The following RPL26L1 variants were observed in gnomAD, a reference collection of about 807,000 sequenced individuals.
RPL26L1 encodes ribosomal protein uL24-like.
Under a neutral mutation model 15.2 loss-of-function variants are expected in RPL26L1, and 8 were observed. The ratio of observed to expected loss-of-function variants is 0.53; its 90% CI spans 0.31 to 0.95. RPL26L1 has a LOEUF of 0.95. RPL26L1 is among the 40% of genes least tolerant of loss of function. RPL26L1 has a pLI of 0.05. For synonymous variants in RPL26L1, 51 were observed against 65.9 expected (o/e 0.77, Z 1.09); for missense variants, 146 against 190.9 (o/e 0.76, Z 1.39).
intron 2 of RPL26L1, among the ~76,000 whole-genome samples, chr5:172,960,861 G>A (rs571590440): frequency 7.1e-6 from 1 of 140,270 alleles, no homozygotes; most frequent in African/African-American, 2.7e-5. Flanking sequence ...TTAGAGCAGG[G>A]TTTCCTAGCC....
At chr5:172,967,967 T>C (rs1755532976) in intron 2 of RPL26L1, among the ~76,000 whole-genome samples, 1 of 151,846 alleles carries the variant, frequency 6.6e-6, no homozygotes, top group African/African-American at 2.4e-5. Flanking sequence ...ACTCATATAG[T>C]TTGAGTATCT....
At chr5:172,957,512 A>G (rs566160118), upstream of RPL26L1, 33 of 282,464 alleles carry the variant, frequency 1.2e-4, no homozygotes, top group Admixed American at 9.5e-5. Flanking sequence ...GTAGGTACCA[A>G]ATAAATTGAT....
upstream of RPL26L1, chr5:172,955,628 A>T (rs1276593173): frequency 6.6e-6 from 1 of 152,582 alleles, no homozygotes; most frequent in Non-Finnish European, 1.5e-5. Context: ...TACTCACTGG[A>T]GACCCTTTTT....
intron 2 of RPL26L1, among the ~76,000 whole-genome samples, chr5:172,965,691 A>G (rs114610028): frequency 1.5e-3 from 228 of 152,298 alleles, no homozygotes; most frequent in African/African-American, 5.4e-3. Context: ...CGCTCTGGCC[A>G]CATTAATCTC....
At chr5:172,959,233 A>AAAGAACACC (rs1755116541), upstream of RPL26L1, 1 of 298,918 alleles carries the variant, frequency 3.3e-6, no homozygotes, top group African/African-American at 2.3e-5. Context: ...AAAAAAAAAA[A>AAAGAACACC]AAGAACACCA....
intron 2 of RPL26L1, among the ~76,000 whole-genome samples, chr5:172,967,455 G>A (rs1755500263): frequency 6.7e-6 from 1 of 149,922 alleles, no homozygotes; most frequent in Admixed American, 6.6e-5. Flanking sequence ...AACAGAGCGA[G>A]ACTCCGTGTC....
chr5:172,960,987 G>T (rs1755215445), intron 2 of RPL26L1, among the ~76,000 whole-genome samples: 1 of 152,094 alleles, frequency 6.6e-6, no homozygotes, highest in South Asian at 2.1e-4. Context: ...CTAGATGCCA[G>T]TGGCACTCCC....
intron 2 of RPL26L1, among the ~76,000 whole-genome samples, chr5:172,967,545 T>C (rs1755502755): frequency 6.6e-6 from 1 of 152,194 alleles, no homozygotes; most frequent in Non-Finnish European, 1.5e-5. Flanking sequence ...AGTAGATTTT[T>C]AGTACAGTAA....
chr5:172,968,627 C>A, intron 3 of RPL26L1, 28 bp downstream of exon 3: 1 of 1,613,446 alleles, frequency 6.2e-7, no homozygotes, highest in South Asian at 1.1e-5. Flanking sequence ...GTGGCAGTAG[C>A]AGCCATGGAG....
At position 172,969,487 on chromosome 5, in the gene RPL26L1, T is replaced by G. The variant is rs1290109601; in HGVS notation, c.384T>G (p.Val128=). 4 of 1,613,730 alleles carry G rather than the reference T, an allele frequency of 2.5e-6. No individual in the cohort carries two copies. The highest frequency in any genetic ancestry group is 1.7e-5 in the Admixed American group (1 of 60,004). ...AACGCAAAGCCAAGTCTCGACAAGT[T>G]GGAAAAGAGAAAGGCAAATATAAAG... The part of the protein sequence containing the change: ...ILERKAKSRQ[V]GKEKGKYKEE... Residue 128 remains valine, a synonymous_variant, in exon 4 of 4, where the codon GTT becomes GTG. Coordinates refer to ENST00000265100, the MANE Select transcript of RPL26L1 (RefSeq NM_016093.4).
At chr5:172,967,923 G>A (rs990300350) in intron 2 of RPL26L1, among the ~76,000 whole-genome samples, 2 of 151,454 alleles carry the variant, frequency 1.3e-5, no homozygotes, top group African/African-American at 4.8e-5. Context: ...ACGCACATAT[G>A]TAATATATAT....
At chr5:172,968,150 C>T (rs1755540027) in intron 2 of RPL26L1, among the ~76,000 whole-genome samples, 1 of 151,820 alleles carries the variant, frequency 6.6e-6, no homozygotes. Context: ...TCAAGCATTT[C>T]GAATAAGGGA....
At chr5:172,969,349 G>A (rs895859720) in intron 3 of RPL26L1, 64 bp from the exon 4 acceptor site, 19 of 1,550,606 alleles carry the variant, frequency 1.2e-5, no homozygotes, top group East Asian at 2.3e-5. Context: ...AACTTATGAT[G>A]TCTATATTGC....
chr5:172,968,727 C>T (rs574587756), intron 3 of RPL26L1, 128 bp downstream of exon 3: 42 of 867,830 alleles, frequency 4.8e-5, no homozygotes, highest in Admixed American at 1.0e-4. Flanking sequence ...GATTCAGTAG[C>T]TTTGTGATAT....
upstream of RPL26L1, chr5:172,958,339 C>T (rs956712577): frequency 1.1e-5 from 5 of 454,368 alleles, no homozygotes; most frequent in African/African-American, 1.0e-4. Flanking sequence ...TGTCAGGGAA[C>T]ACTGATAAAC....
chr5:172,956,938 G>GAAA, upstream of RPL26L1: 6 of 222,030 alleles, frequency 2.7e-5, no homozygotes, highest in Admixed American at 5.9e-5. Flanking sequence ...ACTCTATCTC[G>GAAA]AAAAAAAAAA....
chr5:172,967,132 G>T (rs529627199), intron 2 of RPL26L1, among the ~76,000 whole-genome samples: 7 of 151,372 alleles, frequency 4.6e-5, no homozygotes, highest in African/African-American at 1.7e-4. Flanking sequence ...GGGATTACAG[G>T]TGTGAACCAC....
chr5:172,966,852 G>A (rs956207016), intron 2 of RPL26L1, among the ~76,000 whole-genome samples: 1 of 150,990 alleles, frequency 6.6e-6, no homozygotes, highest in South Asian at 2.1e-4. Context: ...GAGTCACATC[G>A]TACCTGGTGG....
intron 2 of RPL26L1, among the ~76,000 whole-genome samples, chr5:172,967,977 T>C (rs574323546): frequency 1.8e-4 from 27 of 152,082 alleles, no homozygotes; most frequent in African/African-American, 5.3e-4. Flanking sequence ...TTTGAGTATC[T>C]CAAATTCAGA....
Sources: gnomAD v4.1 joint callset for allele counts (sites outside exome capture counted in the v4.1 genomes callset) on GRCh38, gnomAD v4.1.1 for gene constraint, MANE v1.5 for transcripts, NCBI Gene and HGNC (gene_info 2026-07-23, HGNC 2026-07-21) for gene names.